MYT1L: variants seen among roughly 807,000 people sequenced by gnomAD.
The protein encoded by MYT1L is myelin transcription factor 1 like, also known as myelin transcription factor 1-like protein.
Under a neutral mutation model 126.7 loss-of-function variants are expected in MYT1L, and 12 were observed. The observed-to-expected ratio is 0.09, with a 90% CI of 0.06 to 0.15. The LOEUF (loss-of-function observed/expected upper bound fraction) is 0.15, where lower values mean the gene tolerates loss of function less well. Among genes scored for constraint, MYT1L ranks in the 10% least tolerant of loss-of-function variants. MYT1L has a pLI of 1.00. For missense variants in MYT1L, 979 were observed against 1,585.2 expected (o/e 0.62, Z 6.49); for synonymous variants, 541 against 604.2 (o/e 0.90, Z 1.53).
chr2:2,299,385 C>T (rs2095749793), intron 1 of MYT1L, among the ~76,000 whole-genome samples: 2 of 152,338 alleles, frequency 1.3e-5, no homozygotes, highest in Non-Finnish European at 1.5e-5. Flanking sequence ...CCCATGGATG[C>T]CTGCGGGCTG....
intron 1 of MYT1L, among the ~76,000 whole-genome samples, chr2:2,300,236 A>G (rs1332671859): frequency 6.6e-6 from 1 of 152,262 alleles, no homozygotes; most frequent in Admixed American, 6.5e-5. Flanking sequence ...ATAATTGGAT[A>G]CATGTGAGTA....
chr2:1,930,133 G>A (rs918774374), intron 9 of MYT1L, among the ~76,000 whole-genome samples: 8 of 152,164 alleles, frequency 5.3e-5, no homozygotes, highest in East Asian at 3.9e-4. Flanking sequence ...TTGAGTAAGC[G>A]CTCAGGAAGG....
chr2:1,794,546 T>C (rs969803932), intron 23 of MYT1L, among the ~76,000 whole-genome samples: 1 of 152,180 alleles, frequency 6.6e-6, no homozygotes, highest in Non-Finnish European at 1.5e-5. Context: ...AAGCAGCCTG[T>C]GGGGTGACCA....
intron 8 of MYT1L, among the ~76,000 whole-genome samples, chr2:1,951,372 G>A (rs1444621018): frequency 6.6e-6 from 1 of 152,068 alleles, no homozygotes; most frequent in Non-Finnish European, 1.5e-5. Context: ...AGAGGTCAGG[G>A]GATGGGTCCA....
intron 5 of MYT1L, among the ~76,000 whole-genome samples, chr2:1,986,626 C>A (rs1243336685): frequency 1.3e-5 from 2 of 152,242 alleles, no homozygotes; most frequent in South Asian, 2.1e-4. Context: ...AGTTTTATAT[C>A]CATGAAAAAC....
intron 2 of MYT1L, among the ~76,000 whole-genome samples, chr2:2,189,809 C>A (rs1370962891): frequency 6.6e-6 from 1 of 151,160 alleles, no homozygotes; most frequent in African/African-American, 2.5e-5. Context: ...CTCAGGACCG[C>A]ACGGGGAGAA....
intron 3 of MYT1L, among the ~76,000 whole-genome samples, chr2:2,151,787 G>A (rs192903228): frequency 1.3e-5 from 2 of 152,322 alleles, no homozygotes; most frequent in East Asian, 3.9e-4. Context: ...CGGGGGCAGT[G>A]GCTCATGCCT....
intron 3 of MYT1L, among the ~76,000 whole-genome samples, chr2:2,106,479 G>A (rs1281008928): frequency 6.6e-6 from 1 of 152,148 alleles, no homozygotes; most frequent in Non-Finnish European, 1.5e-5. Flanking sequence ...TTAGCCAGGT[G>A]TGGTGGCGCA....
Position 1,943,006 on chromosome 2 carries a change from C to G in MYT1L, c.481G>C (p.Glu161Gln), listed in dbSNP as rs367777449. 4 of 1,528,940 alleles carry G rather than the reference C, an allele frequency of 2.6e-6. No individual in the cohort carries two copies. The highest frequency in any genetic ancestry group is 1.8e-6 in the Non-Finnish European group (2 of 1,128,578). The allele number at this position is 1,528,940 out of a possible 1,614,324, so 94.7% of individuals were successfully genotyped here. ...DEEEEEEEEE[E>Q]EEEEEENEDH... Reference sequence around the variant, plus strand: ...CCGTTTTCTTCTTCCTCTTCCTCCTCCTCCTCCTCCTCCTCTTCCTCTTCT... The same window carrying G: ...CCGTTTTCTTCTTCCTCTTCCTCCTGCTCCTCCTCCTCCTCTTCCTCTTCT... Residue 161 changes from glutamate to glutamine, a missense_variant, in exon 9 of 25, where the codon GAG becomes CAG. Transcript: ENST00000647738. The surrounding 1 kb of genome is among the most constrained non-coding windows in gnomAD (Gnocchi z 4.4).
intron 4 of MYT1L, among the ~76,000 whole-genome samples, chr2:2,043,503 G>A (rs991384635): frequency 6.6e-6 from 1 of 152,128 alleles, no homozygotes; most frequent in African/African-American, 2.4e-5. Flanking sequence ...TAAACGCGGT[G>A]CTTTCTCCCC....
chr2:2,324,746 T>C (rs1573599689), intron 1 of MYT1L: 2 of 152,674 alleles, frequency 1.3e-5, no homozygotes, highest in South Asian at 4.1e-4. Flanking sequence ...CAGAAGAGCC[T>C]CGGAAGCATC....
intron 1 of MYT1L, among the ~76,000 whole-genome samples, chr2:2,295,599 GAGAGACAGAC>G (rs2095665701): frequency 2.2e-5 from 2 of 90,948 alleles, no homozygotes; most frequent in African/African-American, 5.4e-5. Flanking sequence ...CAGACAGAGA[GAGAGACAGAC>G]AGAGAGAGAG....
chr2:2,233,833 T>C (rs1424441680), intron 2 of MYT1L, among the ~76,000 whole-genome samples: 1 of 152,200 alleles, frequency 6.6e-6, no homozygotes, highest in East Asian at 1.9e-4. Flanking sequence ...GCCAAGCTCG[T>C]GGCCTTTAAC....
At chr2:2,227,729 C>T (rs550471627) in intron 2 of MYT1L, among the ~76,000 whole-genome samples, 16 of 152,230 alleles carry the variant, frequency 1.1e-4, no homozygotes, top group East Asian at 3.9e-4. Flanking sequence ...TAGAGCTAGG[C>T]GAATTAATGT....
At position 1,791,560 on chromosome 2, in the gene MYT1L, A is replaced by G; in HGVS notation, c.*307T>C. 1 of 370,452 alleles carries G rather than the reference A, an allele frequency of 2.7e-6. No homozygotes were observed. Among genetic ancestry groups the G allele is most frequent in the South Asian group, 2.9e-5 (1 of 34,128 alleles). 22.9% of individuals were successfully genotyped at this position (370,452 alleles called of 1,614,324 possible). On this transcript the variant is annotated 3_prime_UTR_variant, in exon 25 of 25. Transcript: ENST00000647738. This position sits in a 1 kb window ranked among gnomAD's most constrained non-coding sequence, Gnocchi z 6.0. ...ATTAAAAAGAATTTACACTCTATTTATTTTGATCAGCTTACCTCTTCAGAA... is the reference window on the plus strand; with the variant it reads ...ATTAAAAAGAATTTACACTCTATTTGTTTTGATCAGCTTACCTCTTCAGAA...
At position 1,917,685 on chromosome 2, in the gene MYT1L, G is replaced by C. The variant is rs569955226; in HGVS notation, c.1484-346C>G. 6.6e-6 allele frequency among the ~76,000 whole-genome samples: 1 copy of C among 152,296 alleles called. No homozygotes were observed. Among genetic ancestry groups the C allele is most frequent in the East Asian group, 1.9e-4 (1 of 5,174 alleles). Reference sequence around the variant, plus strand: ...TCGTGATGAGACAGTGACCTTCTTAGAGAACGAAATTCTGTGCCATCATCA... The same window carrying C: ...TCGTGATGAGACAGTGACCTTCTTACAGAACGAAATTCTGTGCCATCATCA... On this transcript the variant is annotated intron_variant, in intron 10 of 24. Coordinates refer to ENST00000647738, the MANE Select transcript of MYT1L (RefSeq NM_001303052.2). The surrounding 1 kb of genome is among the most constrained non-coding windows in gnomAD (Gnocchi z 5.9).
chr2:1,890,915 A>C (rs2048783998), intron 15 of MYT1L, among the ~76,000 whole-genome samples: 1 of 152,202 alleles, frequency 6.6e-6, no homozygotes, highest in African/African-American at 2.4e-5. Context: ...TTTGATACTA[A>C]TTTAAGCTTT....
intron 3 of MYT1L, among the ~76,000 whole-genome samples, chr2:2,135,583 G>A (rs917429349): frequency 2.0e-5 from 3 of 152,214 alleles, no homozygotes; most frequent in Admixed American, 2.0e-4. Flanking sequence ...TCTGAAGTAT[G>A]TTTGTTGATA....
At chr2:2,177,946 T>A (rs1304302884) in intron 2 of MYT1L, among the ~76,000 whole-genome samples, 1 of 152,192 alleles carries the variant, frequency 6.6e-6, no homozygotes, top group East Asian at 1.9e-4. Context: ...ACAGACCCAG[T>A]GGATAGCTGA....
Sources: allele counts gnomAD v4.1 joint callset (sites outside exome capture counted in the v4.1 genomes callset), GRCh38; gene constraint gnomAD v4.1.1; non-coding constraint Gnocchi (gnomAD v3.1); transcripts MANE v1.5; gene names NCBI Gene and HGNC (gene_info 2026-07-23, HGNC 2026-07-21).